The following LRRC4C variants were observed in gnomAD, a reference collection of about 807,000 sequenced individuals.
LRRC4C encodes the protein leucine-rich repeat-containing protein 4C.
Under a neutral mutation model 33.6 loss-of-function variants are expected in LRRC4C, and 5 were observed. The ratio of observed to expected loss-of-function variants is 0.15; its 90% CI spans 0.08 to 0.31. LRRC4C has a LOEUF of 0.31. LRRC4C is among the 10% of genes least tolerant of loss of function. The pLI is 1.00. For synonymous variants in LRRC4C, 329 were observed against 302.0 expected (o/e 1.09, Z -0.93); for missense variants, 560 against 796.7 (o/e 0.70, Z 3.58).
chr11:41,058,671 C>A (rs1311206342), intron 1 of LRRC4C, among the ~76,000 whole-genome samples: 1 of 152,230 alleles, frequency 6.6e-6, no homozygotes, highest in East Asian at 1.9e-4. Context: ...GAAATTAAAA[C>A]AGAACCTACC....
intron 2 of LRRC4C, among the ~76,000 whole-genome samples, chr11:40,823,428 T>C (rs1952027814): frequency 6.6e-6 from 1 of 151,592 alleles, no homozygotes; most frequent in Non-Finnish European, 1.5e-5. Flanking sequence ...AATTAATTAA[T>C]TTAAATGAAG....
chr11:40,983,166 T>A (rs1172209504), intron 1 of LRRC4C, among the ~76,000 whole-genome samples: 22 of 152,168 alleles, frequency 1.4e-4, no homozygotes, highest in Admixed American at 1.4e-3. Context: ...ATAGAATGAT[T>A]TATATTCCTT....
chr11:41,259,749 C>T (rs1299738916), intron 1 of LRRC4C, among the ~76,000 whole-genome samples: 3 of 151,846 alleles, frequency 2.0e-5, no homozygotes, highest in African/African-American at 4.8e-5. Flanking sequence ...TGTGTAGCTG[C>T]GAACTATTTA....
chr11:40,997,131 G>A (rs1854036386), intron 1 of LRRC4C, among the ~76,000 whole-genome samples: 1 of 152,044 alleles, frequency 6.6e-6, no homozygotes, highest in Non-Finnish European at 1.5e-5. Context: ...ATAGAGATTT[G>A]TGAATTATGA....
intron 1 of LRRC4C, among the ~76,000 whole-genome samples, chr11:41,425,089 G>A (rs1954995627): frequency 6.6e-6 from 1 of 151,966 alleles, no homozygotes; most frequent in Non-Finnish European, 1.5e-5. Context: ...TATGTTTCAC[G>A]ACCATCAAAA....
intron 5 of LRRC4C, among the ~76,000 whole-genome samples, chr11:40,200,765 CAAAAAAAAAAAAA>C (rs762650999): frequency 2.8e-5 from 2 of 70,958 alleles, no homozygotes; most frequent in African/African-American, 1.3e-4. Context: ...GACTCCATCT[CAAAAAAAAAAAAA>C]AAAAAAAAAA....
At chr11:41,157,202 A>G (rs1944270894) in intron 1 of LRRC4C, among the ~76,000 whole-genome samples, 1 of 152,100 alleles carries the variant, frequency 6.6e-6, no homozygotes, top group Non-Finnish European at 1.5e-5. Context: ...AAAATGAATT[A>G]AGATGAGGGT....
chr11:40,300,803 A>G (rs575855639), intron 4 of LRRC4C, among the ~76,000 whole-genome samples: 51 of 152,194 alleles, frequency 3.4e-4, no homozygotes, highest in Non-Finnish European at 4.4e-4. Context: ...AAATTCTGTG[A>G]AGTTTTTATT....
chr11:40,683,396 T>C (rs1944798947), intron 2 of LRRC4C, among the ~76,000 whole-genome samples: 1 of 152,196 alleles, frequency 6.6e-6, no homozygotes. Flanking sequence ...ATAGTATTCA[T>C]ATTATAATCT....
intron 2 of LRRC4C, among the ~76,000 whole-genome samples, chr11:40,661,614 T>C (rs1184398360): frequency 1.3e-5 from 2 of 152,208 alleles, no homozygotes; most frequent in African/African-American, 2.4e-5. Context: ...GTGGTAATAA[T>C]GGTATTTAAC....
At chr11:40,586,339 A>C (rs1454764202) in intron 3 of LRRC4C, among the ~76,000 whole-genome samples, 1 of 147,950 alleles carries the variant, frequency 6.8e-6, no homozygotes, top group African/African-American at 2.5e-5. Context: ...TTTTCTTGTA[A>C]ATTTGTTTGA....
intron 1 of LRRC4C, among the ~76,000 whole-genome samples, chr11:41,228,456 T>C (rs937446869): frequency 1.3e-5 from 2 of 152,158 alleles, no homozygotes; most frequent in Non-Finnish European, 2.9e-5. Context: ...CTGGTCTCCA[T>C]CACGGCTGTG....
chr11:40,425,481 C>G (rs1227568775), intron 3 of LRRC4C, among the ~76,000 whole-genome samples: 3 of 152,152 alleles, frequency 2.0e-5, no homozygotes, highest in Non-Finnish European at 4.4e-5. Context: ...GTCTTTCTAC[C>G]TGCCTCTTAT....
chr11:41,405,506 A>G (rs1052047302), intron 1 of LRRC4C, among the ~76,000 whole-genome samples: 8 of 152,138 alleles, frequency 5.3e-5, no homozygotes, highest in Non-Finnish European at 1.2e-4. Context: ...ATAAGAACAA[A>G]CAAGAACCAT....
At chr11:41,000,121 C>T (rs1854272255) in intron 1 of LRRC4C, among the ~76,000 whole-genome samples, 2 of 152,102 alleles carry the variant, frequency 1.3e-5, no homozygotes, top group South Asian at 4.1e-4. Flanking sequence ...TCCCATGCCT[C>T]GCTCATCATC....
intron 1 of LRRC4C, among the ~76,000 whole-genome samples, chr11:40,971,606 C>A (rs1180692928): frequency 6.6e-6 from 1 of 152,184 alleles, no homozygotes; most frequent in Non-Finnish European, 1.5e-5. Flanking sequence ...AGCTCTGACA[C>A]AGAGTTCCCA....
In LRRC4C at chr11:41,341,961, A is replaced by G. The variant is rs138293260; in HGVS notation, c.-496+117470T>C. 3.3e-3 allele frequency among the ~76,000 whole-genome samples: 501 copies of G among 152,332 alleles called. 4 individuals are homozygous for G. The highest frequency in any genetic ancestry group is 0.011 in the African/African-American group (478 of 41,582). On this transcript the variant is annotated intron_variant, in intron 1 of 6. Coordinates refer to ENST00000528697, the MANE Select transcript of LRRC4C (RefSeq NM_001258419.2). ...TTATTGATAGTTAAGAATTGACTGT[A>G]TGTTATCTATAATATCTGGGACATA...
chr11:40,371,885 T>C lies in LRRC4C; in HGVS notation c.-269-52164A>G, dbSNP rs1045127444. Among the ~76,000 whole-genome samples the C allele has an allele frequency of 2.0e-5, 3 of 152,198 alleles. No homozygotes were observed. In the East Asian group the frequency reaches 5.8e-4, roughly 29 times the overall value. On this transcript the variant is annotated intron_variant, in intron 3 of 6. Transcript: ENST00000528697. ...TGTTTTTCATTTATGCCTGACAGGT[T>C]CATAGAATTAAACAATTAGGTATGT...
At chr11:41,223,664 A>C (rs543618489) in intron 1 of LRRC4C, among the ~76,000 whole-genome samples, 1 of 152,144 alleles carries the variant, frequency 6.6e-6, no homozygotes, top group Admixed American at 6.5e-5. Flanking sequence ...AAATAGCTAC[A>C]AAAAAATGTC....
Sources: allele counts gnomAD v4.1 joint callset (sites outside exome capture counted in the v4.1 genomes callset), GRCh38; gene constraint gnomAD v4.1.1; transcripts MANE v1.5; gene names NCBI Gene and HGNC (gene_info 2026-07-23, HGNC 2026-07-21).